NME7: variants seen among roughly 807,000 people sequenced by gnomAD.
NME7 encodes the protein nucleoside diphosphate kinase 7.
A neutral mutation model predicts 49.1 loss-of-function variants in NME7; 41 were observed. The ratio of observed to expected loss-of-function variants is 0.83; its 90% CI spans 0.65 to 1.08. The LOEUF is 1.08. Among genes scored for constraint, NME7 ranks in the 50% least tolerant of loss-of-function variants. The pLI, the probability that NME7 is intolerant of heterozygous loss-of-function variation, is 0.00. For missense variants in NME7, 423 were observed against 463.4 expected (o/e 0.91, Z 0.80); for synonymous variants, 139 against 150.6 (o/e 0.92, Z 0.56).
intron 10 of NME7, among the ~76,000 whole-genome samples, chr1:169,219,363 G>A (rs1661071741): frequency 6.6e-6 from 1 of 152,232 alleles, no homozygotes; most frequent in South Asian, 2.1e-4. Context: ...ATTAAGTGAT[G>A]TGTAGGCATT....
At chr1:169,290,545 T>C (rs1156979990) in intron 6 of NME7, among the ~76,000 whole-genome samples, 1 of 152,080 alleles carries the variant, frequency 6.6e-6, no homozygotes, top group Non-Finnish European at 1.5e-5. Context: ...ATGTAAGACC[T>C]AAAACCATAA....
chr1:169,323,312 C>A (rs1450936686), intron 2 of NME7, 29 bp from the exon 3 acceptor site: 3 of 1,448,582 alleles, frequency 2.1e-6, no homozygotes, highest in Admixed American at 2.6e-5. Flanking sequence ...ATATAACAAA[C>A]AAACAAAAAA....
chr1:169,350,233 A>G (rs375735920), intron 1 of NME7, among the ~76,000 whole-genome samples: 5 of 23,678 alleles, frequency 2.1e-4, no homozygotes, highest in African/African-American at 7.8e-4. Flanking sequence ...AAAGAAAGAA[A>G]GAAAGAAAGA....
intron 1 of NME7, among the ~76,000 whole-genome samples, chr1:169,360,999 AACTTAT>A (rs1445307048): frequency 6.6e-5 from 10 of 152,174 alleles, no homozygotes; most frequent in Admixed American, 5.2e-4. Flanking sequence ...TTTGTAATCC[AACTTAT>A]ACTTGTAATT....
chr1:169,172,014 A>T (rs939819258), intron 10 of NME7, among the ~76,000 whole-genome samples: 1 of 152,046 alleles, frequency 6.6e-6, no homozygotes, highest in Admixed American at 6.5e-5. Context: ...AAAAGTATCA[A>T]CTGCCTTCTG....
At chr1:169,227,025 T>C (rs892913850) in intron 10 of NME7, among the ~76,000 whole-genome samples, 10 of 152,168 alleles carry the variant, frequency 6.6e-5, no homozygotes, top group Non-Finnish European at 1.0e-4. Flanking sequence ...ATATAACGTA[T>C]TCTAGTCATC....
intron 10 of NME7, among the ~76,000 whole-genome samples, chr1:169,225,239 G>T (rs976663117): frequency 2.6e-5 from 4 of 152,138 alleles, no homozygotes; most frequent in African/African-American, 9.7e-5. Flanking sequence ...CTCCTGAGTA[G>T]TTAGGATTAC....
chr1:169,246,065 T>C (rs1418867219), intron 7 of NME7, among the ~76,000 whole-genome samples: 1 of 152,128 alleles, frequency 6.6e-6, no homozygotes, highest in East Asian at 1.9e-4. Context: ...TGTAGAATTA[T>C]ATTAAATCAA....
chr1:169,285,007 T>C lies in NME7; in HGVS notation c.754+2296A>G, dbSNP rs1413452770. The C allele has an allele frequency of 2.0e-5, 3 of 152,164 alleles. No homozygotes were observed. In the East Asian group the frequency reaches 5.8e-4, roughly 29 times the overall value. 9.4% of individuals were successfully genotyped at this position (152,164 alleles called of 1,614,324 possible). On this transcript the variant is annotated intron_variant, in intron 7 of 11. Coordinates refer to ENST00000367811, the MANE Select transcript of NME7 (RefSeq NM_013330.5). ...CCTATAAACAAGAACTTTTTCAAAA[T>C]GTGAGTGTACTATGTGTGTTTATGT...
At chr1:169,217,428 G>C (rs926799892) in intron 10 of NME7, among the ~76,000 whole-genome samples, 1 of 152,100 alleles carries the variant, frequency 6.6e-6, no homozygotes, top group African/African-American at 2.4e-5. Context: ...AATAATTTTT[G>C]TATTGATTAT....
At position 169,187,370 on chromosome 1, in the gene NME7, G is replaced by A. The variant is rs143581602; in HGVS notation, c.991-17816C>T. On this transcript the variant is annotated intron_variant, in intron 10 of 11. Transcript: ENST00000367811. ...TGTTAAAGTCTCCCACTATTATTGT[G>A]TGGGAGTCTAAGTCTCTTTGTAGGT... Among the ~76,000 whole-genome samples the A allele has an allele frequency of 0.053, 8,034 of 152,092 alleles. 1,116 individuals are homozygous for A. In the East Asian group the frequency reaches 0.59, roughly 11 times the overall value.
intron 7 of NME7, among the ~76,000 whole-genome samples, chr1:169,279,302 A>G (rs1649895444): frequency 6.6e-6 from 1 of 152,228 alleles, no homozygotes; most frequent in South Asian, 2.1e-4. Context: ...TGGAGCCTAC[A>G]GAGGCAGGCA....
intron 7 of NME7, among the ~76,000 whole-genome samples, chr1:169,271,287 A>G (rs1466452579): frequency 7.5e-6 from 1 of 133,410 alleles, no homozygotes; most frequent in African/African-American, 2.5e-5. Context: ...TAAGGCAGTA[A>G]ATCAGTAAAT....
At chr1:169,142,433 T>TGA (rs1221105605) in intron 11 of NME7, among the ~76,000 whole-genome samples, 1 of 152,212 alleles carries the variant, frequency 6.6e-6, no homozygotes, top group African/African-American at 2.4e-5. Flanking sequence ...CGATGCTTGA[T>TGA]GACTTACAGC....
chr1:169,303,501 G>C (rs1027400962), intron 4 of NME7: 6 of 153,732 alleles, frequency 3.9e-5, no homozygotes, highest in Admixed American at 1.5e-4. Context: ...CCAGGCCAGA[G>C]TGCAGTGGCA....
intron 1 of NME7, among the ~76,000 whole-genome samples, chr1:169,324,732 C>A (rs1157065099): frequency 6.6e-6 from 1 of 152,162 alleles, no homozygotes; most frequent in Non-Finnish European, 1.5e-5. Context: ...TTATGGATTG[C>A]TTTTTACTTT....
intron 1 of NME7, among the ~76,000 whole-genome samples, chr1:169,356,014 C>A (rs1653458406): frequency 6.6e-6 from 1 of 152,088 alleles, no homozygotes; most frequent in Non-Finnish European, 1.5e-5. Flanking sequence ...AGGTGAACAG[C>A]CCTTGATCAA....
chr1:169,320,443 C>T (rs1651811828), intron 3 of NME7, among the ~76,000 whole-genome samples: 1 of 152,150 alleles, frequency 6.6e-6, no homozygotes, highest in Admixed American at 6.5e-5. Context: ...TCACTACAGG[C>T]TTTACTATAG....
chr1:169,146,816 C>A (rs1445271063), intron 11 of NME7, among the ~76,000 whole-genome samples: 1 of 152,116 alleles, frequency 6.6e-6, no homozygotes, highest in Non-Finnish European at 1.5e-5. Context: ...TACACAGAAA[C>A]AAATAATTAT....
Sources: gnomAD v4.1 joint callset for allele counts (sites outside exome capture counted in the v4.1 genomes callset) on GRCh38, gnomAD v4.1.1 for gene constraint, MANE v1.5 for transcripts, NCBI Gene and HGNC (gene_info 2026-07-23, HGNC 2026-07-21) for gene names.